Variants in KDM2A observed in about 807,000 individuals in gnomAD.
KDM2A encodes the protein lysine demethylase 2A.
KDM2A carries 3 observed loss-of-function variants against 137.3 expected under a neutral mutation model. The observed-to-expected ratio is 0.02, with a 90% CI of 0.01 to 0.06. The LOEUF is 0.06. Among genes scored for constraint, KDM2A ranks in the 10% least tolerant of loss-of-function variants. KDM2A has a pLI of 1.00. For missense variants in KDM2A, 738 were observed against 1,510.6 expected (o/e 0.49, Z 8.48); for synonymous variants, 512 against 541.5 (o/e 0.95, Z 0.76).
chr11:67,183,350 C>G (rs1468155147), intron 5 of KDM2A, among the ~76,000 whole-genome samples: 2 of 152,218 alleles, frequency 1.3e-5, no homozygotes, highest in African/African-American at 4.8e-5. Context: ...TAAAGCTTCC[C>G]TCTTGATGAG....
chr11:67,142,600 G>GGGGA (rs1856136794), intron 2 of KDM2A, among the ~76,000 whole-genome samples: 1 of 148,426 alleles, frequency 6.7e-6, no homozygotes, highest in Non-Finnish European at 1.5e-5. Context: ...GGTTGGGGGG[G>GGGGA]CGTCAAGGCA....
intron 5 of KDM2A, among the ~76,000 whole-genome samples, chr11:67,203,424 T>C (rs988863994): frequency 2.1e-5 from 1 of 47,456 alleles, no homozygotes; most frequent in Non-Finnish European, 1.4e-4. Flanking sequence ...TAATAAATAG[T>C]CTATAATAAA....
intron 2 of KDM2A, among the ~76,000 whole-genome samples, chr11:67,150,042 C>T (rs1370403517): frequency 6.6e-6 from 1 of 152,046 alleles, no homozygotes; most frequent in Non-Finnish European, 1.5e-5. Flanking sequence ...ATTTTAGATA[C>T]TCAGTAAACA....
chr11:67,229,273 G>A (rs1858639058), intron 11 of KDM2A, among the ~76,000 whole-genome samples: 1 of 152,190 alleles, frequency 6.6e-6, no homozygotes, highest in Non-Finnish European at 1.5e-5. Context: ...AGCTTTTAGA[G>A]TCTGACCAGC....
intron 2 of KDM2A, among the ~76,000 whole-genome samples, chr11:67,178,919 G>T (rs1366513381): frequency 6.6e-6 from 1 of 152,152 alleles, no homozygotes; most frequent in African/African-American, 2.4e-5. Flanking sequence ...TATATACCTA[G>T]GAGCAGAATT....
chr11:67,234,024 T>C (rs1233498923), intron 12 of KDM2A, among the ~76,000 whole-genome samples: 3 of 152,250 alleles, frequency 2.0e-5, no homozygotes, highest in African/African-American at 7.2e-5. Flanking sequence ...GCTTCTCGTT[T>C]ACCCAAAACC....
intron 2 of KDM2A, among the ~76,000 whole-genome samples, chr11:67,176,354 G>A (rs562778220): frequency 1.3e-5 from 2 of 152,250 alleles, no homozygotes; most frequent in South Asian, 2.1e-4. Context: ...CAGGTGCTAT[G>A]TAATCAATTC....
chr11:67,244,836 A>G (rs1293025036), intron 13 of KDM2A, among the ~76,000 whole-genome samples: 1 of 152,066 alleles, frequency 6.6e-6, no homozygotes, highest in Non-Finnish European at 1.5e-5. Context: ...ATACAAAAAA[A>G]TTAGCTGGGC....
rs542887291 is a variant in KDM2A, at chr11:67,236,593, C to T, written c.1479+4633C>T. Among the ~76,000 whole-genome samples the T allele has an allele frequency of 2.1e-3, 313 of 152,222 alleles. 1 individual carries two copies. Among genetic ancestry groups the T allele is most frequent in the African/African-American group, 7.2e-3 (300 of 41,538 alleles). On this transcript the variant is annotated intron_variant, in intron 12 of 20. Transcript: ENST00000529006. ...AAATTCAATATTGTTGAATACTTTTCGACTTTCCTGTTTTCTCTAAACATT... is the reference window on the plus strand; with the variant it reads ...AAATTCAATATTGTTGAATACTTTTTGACTTTCCTGTTTTCTCTAAACATT...
chr11:67,129,183 T>C (rs1406796438), intron 2 of KDM2A, among the ~76,000 whole-genome samples: 1 of 152,216 alleles, frequency 6.6e-6, no homozygotes, highest in African/African-American at 2.4e-5. Flanking sequence ...AACAGAGACC[T>C]AAACTATAAC....
intron 2 of KDM2A, among the ~76,000 whole-genome samples, chr11:67,155,971 G>A (rs539683033): frequency 6.0e-5 from 9 of 149,780 alleles, no homozygotes; most frequent in South Asian, 4.2e-4. Flanking sequence ...CAGGAAGGGC[G>A]GGGCGCAGGG....
chr11:67,209,934 C>T (rs1473018225), intron 6 of KDM2A, among the ~76,000 whole-genome samples: 1 of 152,074 alleles, frequency 6.6e-6, no homozygotes, highest in Non-Finnish European at 1.5e-5. Context: ...GTGGCATGCA[C>T]CTGTAGTCCT....
chr11:67,209,441 A>G (rs1002821153), intron 6 of KDM2A, among the ~76,000 whole-genome samples: 6 of 150,068 alleles, frequency 4.0e-5, no homozygotes, highest in Admixed American at 2.7e-4. Context: ...TTTTATTATT[A>G]TTATTATTAT....
At chr11:67,220,660 TTA>T (rs1188426652) in intron 10 of KDM2A, among the ~76,000 whole-genome samples, 1 of 152,190 alleles carries the variant, frequency 6.6e-6, no homozygotes, top group Non-Finnish European at 1.5e-5. Flanking sequence ...AATGGATACC[TTA>T]AGGCAAGAGT....
intron 6 of KDM2A, among the ~76,000 whole-genome samples, chr11:67,211,524 G>T (rs1056042470): frequency 2.3e-5 from 3 of 133,098 alleles, no homozygotes; most frequent in African/African-American, 8.3e-5. Flanking sequence ...TGAGGTGGGA[G>T]AATCGCTTGA....
At chr11:67,145,913 C>T (rs1448139101) in intron 2 of KDM2A, among the ~76,000 whole-genome samples, 1 of 149,110 alleles carries the variant, frequency 6.7e-6, no homozygotes, top group Non-Finnish European at 1.5e-5. Context: ...TTTTCATGAA[C>T]TGTATCCGGG....
chr11:67,157,032 G>C (rs1318407453), intron 2 of KDM2A, among the ~76,000 whole-genome samples: 1 of 151,722 alleles, frequency 6.6e-6, no homozygotes, highest in Non-Finnish European at 1.5e-5. Flanking sequence ...CTGGCTAATT[G>C]GCTGGGCACG....
intron 2 of KDM2A, among the ~76,000 whole-genome samples, chr11:67,125,484 G>T (rs893233247): frequency 6.6e-6 from 1 of 151,886 alleles, no homozygotes; most frequent in Non-Finnish European, 1.5e-5. Flanking sequence ...GAAATAACTA[G>T]TTAAGGACTG....
chr11:67,224,153 C>T (rs1858456844), intron 10 of KDM2A, among the ~76,000 whole-genome samples: 1 of 152,190 alleles, frequency 6.6e-6, no homozygotes, highest in African/African-American at 2.4e-5. Flanking sequence ...GACTCCTATC[C>T]AGTTCTCCGT....
Sources: allele counts gnomAD v4.1 joint callset (sites outside exome capture counted in the v4.1 genomes callset), GRCh38; gene constraint gnomAD v4.1.1; transcripts MANE v1.5; gene names NCBI Gene and HGNC (gene_info 2026-07-23, HGNC 2026-07-21).